MGAM2: variants seen among roughly 807,000 people sequenced by gnomAD.
MGAM2 encodes maltase-glucoamylase 2 (putative), also known as probable maltase-glucoamylase 2.
A neutral mutation model predicts 96.1 loss-of-function variants in MGAM2; 98 were observed. The ratio of observed to expected loss-of-function variants is 1.02; its 90% CI spans 0.87 to 1.21. MGAM2 has a LOEUF of 1.21. Among genes scored for constraint, MGAM2 ranks in the 50% most tolerant of loss-of-function variants. The probability of loss-of-function intolerance (pLI) is 0.00; values close to 1 mark genes in which losing one functional copy is unlikely to be tolerated. For missense variants in MGAM2, 2,055 were observed against 1,182.4 expected (o/e 1.74, Z -10.82); for synonymous variants, 749 against 414.8 (o/e 1.81, Z -9.79).
At chr7:142,112,761 T>C (rs1046718416) in intron 1 of MGAM2, among the ~76,000 whole-genome samples, 9 of 152,110 alleles carry the variant, frequency 5.9e-5, no homozygotes, top group African/African-American at 2.2e-4. Context: ...AATCATGATA[T>C]CTGTCTGATC....
chr7:142,164,409 G>T (rs1453049310), intron 23 of MGAM2, among the ~76,000 whole-genome samples: 1 of 152,132 alleles, frequency 6.6e-6, no homozygotes, highest in Non-Finnish European at 1.5e-5. Flanking sequence ...TTAGCACAGT[G>T]CCTGTCACAT....
At chr7:142,215,458 TA>T (rs61628665) in intron 46 of MGAM2, among the ~76,000 whole-genome samples, 3,657 of 134,640 alleles carry the variant, frequency 0.027, 127 homozygotes, top group African/African-American at 0.079. Context: ...AAAGTATAAT[TA>T]AAAAAAAAAA....
At chr7:142,123,863 A>C (rs930549549) in intron 3 of MGAM2, among the ~76,000 whole-genome samples, 1 of 151,488 alleles carries the variant, frequency 6.6e-6, no homozygotes, top group Non-Finnish European at 1.5e-5. Context: ...ATATATTACT[A>C]TCTTTCCCTT....
chr7:142,160,111 C>T, intron 20 of MGAM2, 23 bp from the exon 21 acceptor site: 1 of 697,170 alleles, frequency 1.4e-6, no homozygotes, highest in Non-Finnish European at 2.6e-6. Flanking sequence ...CCTGATCTAT[C>T]TTTTGTTGTT....
Position 142,200,931 on chromosome 7 carries a change from C to T in MGAM2, c.5137+963C>T, listed in dbSNP as rs1797204483. Among the ~76,000 whole-genome samples, 3 of 151,934 alleles carry T rather than the reference C, an allele frequency of 2.0e-5. No homozygotes were observed. In the South Asian group the frequency reaches 6.2e-4, roughly 32 times the overall value. On this transcript the variant is annotated intron_variant, in intron 45 of 47. Transcript: ENST00000477922. ...TTAATTTGTGAATCCTGTTTATTTT[C>T]CTCTAACATAATGACAGAAACATGT...
Position 142,167,380 on chromosome 7 carries a change from T to C in MGAM2, c.2921T>C (p.Met974Thr), listed in dbSNP as rs1464275638. Residue 974 changes from methionine to threonine, a missense_variant, in exon 26 of 48, where the codon ATG becomes ACG. By Grantham distance (81) the Met-to-Thr change is moderately conservative. Transcript: ENST00000477922. The part of the protein sequence containing the change: ...TSITADLSLP[M>T]APESAAAAAS... The stretch of plus-strand genomic sequence containing the variant: ...ATCACTGCAGACCTTTCCCTCCCGA[T>C]GGCCCCTGAGTCAGCTGCTGCTGCC... The C allele has an allele frequency of 1.4e-6, 1 of 702,980 alleles. No individual in the cohort carries two copies. The highest frequency in any genetic ancestry group is 2.6e-6 in the Non-Finnish European group (1 of 384,982). 43.5% of individuals were successfully genotyped at this position (702,980 alleles called of 1,614,324 possible).
chr7:142,215,045 C>G (rs1243028172), intron 46 of MGAM2, among the ~76,000 whole-genome samples: 1 of 152,160 alleles, frequency 6.6e-6, no homozygotes, highest in Non-Finnish European at 1.5e-5. Context: ...AGACTTAGAA[C>G]CAACCCAAAT....
At chr7:142,218,335 C>A (rs1459302414) in intron 46 of MGAM2, 26 bp from the exon 47 acceptor site, 2 of 655,206 alleles carry the variant, frequency 3.1e-6, no homozygotes, top group African/African-American at 1.8e-5. Flanking sequence ...GTTATGTATT[C>A]TTTTCTCTTT....
intron 15 of MGAM2, among the ~76,000 whole-genome samples, chr7:142,152,425 C>A (rs1795608933): frequency 6.6e-6 from 1 of 152,066 alleles, no homozygotes; most frequent in African/African-American, 2.4e-5. Context: ...CTCCTCCAAC[C>A]TACCCCTATT....
At chr7:142,169,718 A>G (rs1440716349) in intron 26 of MGAM2, among the ~76,000 whole-genome samples, 1 of 151,550 alleles carries the variant, frequency 6.6e-6, no homozygotes, top group Non-Finnish European at 1.5e-5. Context: ...ACATGCATGC[A>G]CACACACACA....
Position 142,194,688 on chromosome 7 carries a change from A to ATGTG in MGAM2, c.4347-1462_4347-1459dup, listed in dbSNP as rs1491431748. Among the ~76,000 whole-genome samples, 1,108 of 112,214 alleles carry ATGTG rather than the reference A, an allele frequency of 9.9e-3. 25 individuals carry two copies. Among genetic ancestry groups the ATGTG allele is most frequent in the African/African-American group, 0.038 (1,052 of 27,908 alleles). The allele number at this position is 112,214 out of a possible 152,430, so 73.6% of individuals were successfully genotyped here. ...TATATTCTTTCAGTTTTAATAGAAC[A>ATGTG]TGTGTGTATGTGTGTGTGTGTGTGT... On this transcript the variant is annotated intron_variant, in intron 37 of 47. Transcript: ENST00000477922.
chr7:142,151,898 A>ACATT (rs148094963), intron 15 of MGAM2, among the ~76,000 whole-genome samples: 1,859 of 152,316 alleles, frequency 0.012, 26 homozygotes, highest in African/African-American at 0.042. Context: ...AAAATGGATA[A>ACATT]CATTTTCATT....
chr7:142,190,391 A>T (rs765115948), intron 37 of MGAM2, among the ~76,000 whole-genome samples: 9 of 149,140 alleles, frequency 6.0e-5, no homozygotes, highest in Non-Finnish European at 1.0e-4. Context: ...CCAGCCTCAG[A>T]CTCCCGAGTA....
chr7:142,160,646 T>A (rs1369098636), intron 21 of MGAM2, among the ~76,000 whole-genome samples: 1 of 151,460 alleles, frequency 6.6e-6, no homozygotes, highest in Non-Finnish European at 1.5e-5. Context: ...AGAGCTCAGA[T>A]TCTACAGAAC....
In MGAM2 at chr7:142,190,396, C is replaced by T. The variant is rs61229175; in HGVS notation, c.4346+891C>T. 8.1e-3 allele frequency among the ~76,000 whole-genome samples: 1,229 copies of T among 151,374 alleles called. 80 individuals carry two copies. The East Asian group carries it at 0.16, about 20-fold the overall frequency. ...AGGTGATTCTCCAGCCTCAGACTCC[C>T]GAGTAGCTGGGATTACAGGCATAAG... On this transcript the variant is annotated intron_variant, in intron 37 of 47. Coordinates refer to ENST00000477922, the MANE Select transcript of MGAM2 (RefSeq NM_001293626.2).
intron 43 of MGAM2, 92 bp from the exon 44 acceptor site, chr7:142,198,523 G>C (rs1185354621): frequency 1.6e-6 from 1 of 620,104 alleles, no homozygotes; most frequent in East Asian, 2.8e-5. Context: ...TTTCTAACAT[G>C]CTTCCCAGGA....
chr7:142,187,605 G>T (rs1357570333), intron 35 of MGAM2, 145 bp from the exon 36 acceptor site: 1 of 550,318 alleles, frequency 1.8e-6, no homozygotes, highest in Non-Finnish European at 3.3e-6. Flanking sequence ...GTCCATTTGG[G>T]TCAGTGCCAG....
chr7:142,145,517 T>C (rs937774578), intron 14 of MGAM2, among the ~76,000 whole-genome samples: 7 of 152,194 alleles, frequency 4.6e-5, no homozygotes, highest in Admixed American at 1.3e-4. Context: ...TTTTCCAGTT[T>C]CTGATTTTGA....
chr7:142,202,990 AC>A (rs568895476), intron 45 of MGAM2, among the ~76,000 whole-genome samples: 5 of 151,752 alleles, frequency 3.3e-5, no homozygotes, highest in Non-Finnish European at 4.4e-5. Context: ...TTATTATTTG[AC>A]TTTTTAATAA....
Sources: gnomAD v4.1 joint callset for allele counts (sites outside exome capture counted in the v4.1 genomes callset) on GRCh38, gnomAD v4.1.1 for gene constraint, MANE v1.5 for transcripts, NCBI Gene and HGNC (gene_info 2026-07-23, HGNC 2026-07-21) for gene names.